MACF1: variants seen among roughly 807,000 people sequenced by gnomAD.
MACF1 encodes microtubule actin crosslinking factor 1, also known as microtubule-actin cross-linking factor 1.
A neutral mutation model predicts 854.8 loss-of-function variants in MACF1; 193 were observed. The observed-to-expected ratio is 0.23, with a 90% CI of 0.20 to 0.25. MACF1 has a LOEUF of 0.25. Among genes scored for constraint, MACF1 ranks in the 10% least tolerant of loss-of-function variants. MACF1 has a pLI of 1.00. For synonymous variants in MACF1, 3,185 were observed against 3,226.7 expected (o/e 0.99, Z 0.44); for missense variants, 7,722 against 8,929.1 (o/e 0.86, Z 5.45).
rs565428717 is a variant in MACF1 at position 39,285,165 on chromosome 1, T to C, written c.1214T>C (p.Ile405Thr). The change falls in exon 12 of 101, where the codon ATA becomes ACA. Residue 405 changes from isoleucine (I) to threonine (T), a missense_variant. Coordinates refer to ENST00000564288, the MANE Select transcript of MACF1 (RefSeq NM_001394062.1). ...GAAGAAGAGTGGGGAAAGCTCATCATAGAGATGCTGGAACGAGAGAAATCA... is the reference window on the plus strand; with the variant it reads ...GAAGAAGAGTGGGGAAAGCTCATCACAGAGATGCTGGAACGAGAGAAATCA... ...DVEEEWGKLI[I>T]EMLEREKSLR... 5.0e-6 allele frequency: 8 copies of C among 1,614,210 alleles called. No individual in the cohort carries two copies. The highest frequency in any genetic ancestry group is 2.2e-5 in the East Asian group (1 of 44,876).
At chr1:39,469,331 T>C (rs975871231) in intron 96 of MACF1, among the ~76,000 whole-genome samples, 10 of 152,194 alleles carry the variant, frequency 6.6e-5, no homozygotes, top group Admixed American at 2.0e-4. Flanking sequence ...TGGTGGCATC[T>C]GCAGCTAGGG....
In MACF1 at chr1:39,300,297, A is replaced by G; in HGVS notation, c.2569A>G (p.Ser857Gly). Residue 857 changes from serine (S) to glycine (G), a missense_variant, in exon 22 of 101, where the codon AGT becomes GGT. By Grantham distance (56) the Ser-to-Gly change is moderately conservative. This residue lies in a region of MACF1 where 1,137 missense variants were observed against 1,263.0 expected (regional missense o/e 0.90). Transcript: ENST00000564288. ...AACCATCGTTCAGCTAAAACCACGC[A>G]GTCCAGACCATGTGTTAAAGAACAC... ...SKTIVQLKPR[S>G]PDHVLKNTIS... 6.2e-7 allele frequency: 1 copy of G among 1,614,028 alleles called. No individual in the cohort carries two copies. The highest frequency in any genetic ancestry group is 8.5e-7 in the Non-Finnish European group (1 of 1,180,000).
At chr1:39,412,730 C>T in intron 58 of MACF1, 1 of 1,613,760 alleles carries the variant, frequency 6.2e-7, no homozygotes, top group South Asian at 1.1e-5. Context: ...AATACTGAAC[C>T]AGTTTTAGAG....
chr1:39,395,958 A>C (rs1642255639), intron 58 of MACF1, among the ~76,000 whole-genome samples: 1 of 152,230 alleles, frequency 6.6e-6, no homozygotes, highest in Non-Finnish European at 1.5e-5. Context: ...AGGTAGTAAA[A>C]TTGAATGGAA....
At position 39,333,440 on chromosome 1, in the gene MACF1, C is replaced by T; in HGVS notation, c.6852C>T (p.Thr2284=). The change falls in exon 37 of 101, where the codon ACC becomes ACT. Residue 2284 remains threonine (T), a synonymous_variant. Transcript: ENST00000564288. ...SHPLELLEEA[T]LNVLSAQLLD... ...CATTAGAATTGCTTGAAGAAGCTAC[C>T]TTAAATGTATTATCTGCACAGTTAC... 1 of 1,614,108 alleles carries T rather than the reference C, an allele frequency of 6.2e-7. No homozygotes were observed. Among genetic ancestry groups the T allele is most frequent in the Non-Finnish European group, 8.5e-7 (1 of 1,180,016 alleles).
chr1:39,224,412 T>C (rs925873862), intron 1 of MACF1, among the ~76,000 whole-genome samples: 2 of 151,868 alleles, frequency 1.3e-5, no homozygotes, highest in Non-Finnish European at 2.9e-5. Context: ...GAATGGAATC[T>C]CAGATTCAAG....
chr1:39,167,305 G>T (rs1004720085), intron 2 of MACF1, among the ~76,000 whole-genome samples: 1 of 151,900 alleles, frequency 6.6e-6, no homozygotes, highest in African/African-American at 2.4e-5. Context: ...GCTGGGTGTG[G>T]TGGCTCATGG....
At chr1:39,136,080 T>A (rs1044624406) in intron 2 of MACF1, among the ~76,000 whole-genome samples, 1 of 152,144 alleles carries the variant, frequency 6.6e-6, no homozygotes, top group Non-Finnish European at 1.5e-5. Flanking sequence ...CACACAAATA[T>A]CCCATTATTG....
At position 39,439,441 on chromosome 1, in the gene MACF1, G is replaced by A; in HGVS notation, c.18388G>A (p.Asp6130Asn). 1.2e-6 allele frequency: 2 copies of A among 1,614,172 alleles called. No individual in the cohort carries two copies. The highest frequency in any genetic ancestry group is 1.7e-6 in the Non-Finnish European group (2 of 1,180,022). ...TIKDTQDIVH[D>N]LESPGIDPSI... ...CAAAGACACCCAGGATATTGTCCAT[G>A]ACTTGGAAAGCCCAGGCATTGATCC... The change falls in exon 72 of 101, where the codon GAC becomes AAC. Residue 6130 changes from aspartate to asparagine, a missense_variant. Physicochemically the swap from Asp to Asn is conservative, Grantham distance 23. Coordinates refer to ENST00000564288, the MANE Select transcript of MACF1 (RefSeq NM_001394062.1).
At chr1:39,247,982 A>G (rs1004733314) in intron 2 of MACF1, among the ~76,000 whole-genome samples, 6 of 152,334 alleles carry the variant, frequency 3.9e-5, no homozygotes, top group African/African-American at 1.2e-4. Flanking sequence ...AGATTGTGCC[A>G]CTGCACTCCA....
In MACF1 at chr1:39,223,334, G is replaced by T. The variant is rs183110993; in HGVS notation, c.110-7848G>T. On this transcript the variant is annotated intron_variant, in intron 1 of 100. Transcript: ENST00000564288. ...CTGTTATCCCAAATGGAAGCATCAG[G>T]CTTTGGAACTGGGTAGAGCTGGGTT... Among the ~76,000 whole-genome samples, 3 of 152,260 alleles carry T rather than the reference G, an allele frequency of 2.0e-5. No individual in the cohort carries two copies. In the East Asian group the frequency reaches 5.8e-4, roughly 29 times the overall value.
At chr1:39,270,550 G>C (rs1645296289) in intron 6 of MACF1, among the ~76,000 whole-genome samples, 1 of 152,164 alleles carries the variant, frequency 6.6e-6, no homozygotes, top group African/African-American at 2.4e-5. Context: ...ACTGAGATAA[G>C]GACTCAGCAA....
In MACF1 at chr1:39,336,007, C is replaced by G; in HGVS notation, c.9419C>G (p.Thr3140Ser). Residue 3140 changes from threonine to serine, a missense_variant, in exon 37 of 101, where the codon ACC (threonine) becomes AGC (serine). Coordinates refer to ENST00000564288, the MANE Select transcript of MACF1 (RefSeq NM_001394062.1). ...SKTDKSFQGT[T>S]RQETNYQDSW... is the part of the protein sequence containing the mutation. ...ACAGACAAGTCTTTCCAAGGAACCA[C>G]CAGACAGGAGACCAACTATCAAGAT... 1 of 1,614,056 alleles carries G rather than the reference C, an allele frequency of 6.2e-7. No homozygotes were observed.
At position 39,336,517 on chromosome 1, in the gene MACF1, G is replaced by T. The variant is rs747556154; in HGVS notation, c.9929G>T (p.Cys3310Phe). 1 of 1,614,190 alleles carries T rather than the reference G, an allele frequency of 6.2e-7. No individual in the cohort carries two copies. The highest frequency in any genetic ancestry group is 1.1e-5 in the South Asian group (1 of 91,090). Residue 3310 changes from cysteine to phenylalanine, a missense_variant, in exon 37 of 101, where the codon TGC becomes TTC. Cys to Phe is a radical substitution (Grantham distance 205, BLOSUM62 -2). Around this residue, in one of 15 missense-constraint regions of MACF1, gnomAD observed 854 missense variants for 852.6 expected, o/e 1.00. Coordinates refer to ENST00000564288, the MANE Select transcript of MACF1 (RefSeq NM_001394062.1). ...GAAAAGACAGTGTCCCTAACAGTAT[G>T]CTCTGCAGTGAAGACAGAGAAGACA... is the stretch of plus-strand genomic sequence containing the variant. Reference protein sequence around the residue: ...SEEKTVSLTVCSAVKTEKTPQ... With the variant: ...SEEKTVSLTVFSAVKTEKTPQ...
At chr1:39,213,515 G>A (rs1644540750) in intron 1 of MACF1, among the ~76,000 whole-genome samples, 1 of 151,864 alleles carries the variant, frequency 6.6e-6, no homozygotes, top group Non-Finnish European at 1.5e-5. Flanking sequence ...TTGTATTTTA[G>A]TTAGAGTCGG....
chr1:39,468,729 C>T lies in MACF1; in HGVS notation c.21886C>T (p.Arg7296Ter). The T allele has an allele frequency of 6.2e-7, 1 of 1,613,254 alleles. No individual in the cohort carries two copies. The highest frequency in any genetic ancestry group is 8.5e-7 in the Non-Finnish European group (1 of 1,179,232). The change falls in exon 96 of 101, where the codon CGA becomes TGA. Residue 7296 changes from arginine to a stop codon, truncating the protein, a stop_gained. Coordinates refer to ENST00000564288, the MANE Select transcript of MACF1 (RefSeq NM_001394062.1). LOFTEE classifies it high-confidence loss of function. ...DEFLVKNDPC[R>*]VHHPGSKIKR... The stretch of plus-strand genomic sequence containing the variant: ...ATTTTTAGTGAAAAATGATCCCTGC[C>T]GAGGTAAGGAACCATTCTAAGCATG...
chr1:39,124,849 G>A (rs1415969254), intron 2 of MACF1, among the ~76,000 whole-genome samples: 3 of 152,328 alleles, frequency 2.0e-5, no homozygotes, highest in African/African-American at 7.2e-5. Flanking sequence ...AACAGGTTAA[G>A]TGACTTGCCT....
intron 2 of MACF1, among the ~76,000 whole-genome samples, chr1:39,120,545 G>T (rs1016261179): frequency 6.6e-6 from 1 of 152,032 alleles, no homozygotes; most frequent in South Asian, 2.1e-4. Context: ...GTGTATTTTA[G>T]TAGACACAGG....
Position 39,336,224 on chromosome 1 carries a change from T to C in MACF1, c.9636T>C (p.His3212=). ...LEFSDRKDLH[H]QGSKSDDKLC... ...TCTCAGACAGAAAAGACCTTCATCA[T>C]CAGGGCAGCAAAAGTGATGATAAAC... Residue 3212 remains histidine, a synonymous_variant, in exon 37 of 101, where the codon CAT becomes CAC. Transcript: ENST00000564288. 1 of 1,614,082 alleles carries C rather than the reference T, an allele frequency of 6.2e-7. No individual in the cohort carries two copies. Among genetic ancestry groups the C allele is most frequent in the Non-Finnish European group, 8.5e-7 (1 of 1,180,016 alleles).
Sources: allele counts gnomAD v4.1 joint callset (sites outside exome capture counted in the v4.1 genomes callset), GRCh38; gene constraint gnomAD v4.1.1; regional missense constraint gnomAD v4.1.1; transcripts MANE v1.5; gene names NCBI Gene and HGNC (gene_info 2026-07-23, HGNC 2026-07-21).